The following PCDHGA7 variants were observed in gnomAD, a reference collection of about 807,000 sequenced individuals.
PCDHGA7 encodes the protein protocadherin gamma subfamily A, 7.
In PCDHGA7, 44 loss-of-function variants were observed where a neutral mutation model predicts 58.3. The ratio of observed to expected loss-of-function variants is 0.75; its 90% CI spans 0.59 to 0.97. The LOEUF (loss-of-function observed/expected upper bound fraction) is 0.97, where lower values mean the gene tolerates loss of function less well. PCDHGA7 is among the 50% of genes least tolerant of loss of function. The probability of loss-of-function intolerance (pLI) is 0.00; values close to 1 mark genes in which losing one functional copy is unlikely to be tolerated. For synonymous variants in PCDHGA7, 516 were observed against 504.2 expected (o/e 1.02, Z -0.31); for missense variants, 1,266 against 1,188.7 (o/e 1.06, Z -0.96).
intron 3 of PCDHGA7, among the ~76,000 whole-genome samples, chr5:141,510,329 A>G (rs1433056614): frequency 6.7e-6 from 1 of 150,230 alleles, no homozygotes; most frequent in South Asian, 2.1e-4. Context: ...AGCACTCTTC[A>G]CCCCCACCCC....
chr5:141,399,370 A>C (rs1466560972), intron 1 of PCDHGA7: 2 of 1,614,004 alleles, frequency 1.2e-6, no homozygotes, highest in Non-Finnish European at 1.7e-6. Context: ...CCCGGAGTAC[A>C]ATGTCACCAT....
chr5:141,400,591 C>A, intron 1 of PCDHGA7: 1 of 1,602,976 alleles, frequency 6.2e-7, no homozygotes, highest in Non-Finnish European at 8.5e-7. Flanking sequence ...ATGAAACTAT[C>A]GTACATTTTC....
chr5:141,420,993 C>T (rs956578377), intron 1 of PCDHGA7: 2 of 501,412 alleles, frequency 4.0e-6, no homozygotes, highest in Non-Finnish European at 7.0e-6. Context: ...GGCGCCGCTG[C>T]TCACCAATCA....
intron 1 of PCDHGA7, chr5:141,415,605 G>T: frequency 1.2e-6 from 2 of 1,613,122 alleles, no homozygotes; most frequent in Non-Finnish European, 1.7e-6. Flanking sequence ...ATACCCCATT[G>T]GTTCCAGTGA....
At chr5:141,458,485 A>G (rs2098946793) in intron 1 of PCDHGA7, among the ~76,000 whole-genome samples, 1 of 151,558 alleles carries the variant, frequency 6.6e-6, no homozygotes, top group Non-Finnish European at 1.5e-5. Context: ...GAAAATGAGG[A>G]CTGCCTGTAC....
intron 1 of PCDHGA7, chr5:141,412,841 G>A (rs1285924844): frequency 4.9e-6 from 1 of 206,050 alleles, no homozygotes; most frequent in Non-Finnish European, 9.6e-6. Flanking sequence ...AAAGATAGGA[G>A]TGGAGAAACC....
intron 1 of PCDHGA7, chr5:141,422,096 C>T: frequency 6.2e-7 from 1 of 1,610,710 alleles, no homozygotes; most frequent in Non-Finnish European, 8.5e-7. Context: ...AGCAAGGCTT[C>T]TGAAATATTC....
At chr5:141,410,515 G>T in intron 1 of PCDHGA7, 1 of 1,613,946 alleles carries the variant, frequency 6.2e-7, no homozygotes, top group South Asian at 1.1e-5. Flanking sequence ...AATGCAGTGT[G>T]CCCCTACATT....
intron 1 of PCDHGA7, chr5:141,433,309 T>C: frequency 1.1e-6 from 1 of 901,134 alleles, no homozygotes; most frequent in Admixed American, 2.7e-5. Context: ...TTATCCCACC[T>C]TTGCCTCCGG....
intron 1 of PCDHGA7, chr5:141,416,087 G>A (rs1201318552): frequency 1.2e-5 from 2 of 165,800 alleles, no homozygotes; most frequent in East Asian, 3.3e-4. Flanking sequence ...TTCCCAAGGA[G>A]AAGGGCAATA....
chr5:141,419,248 AAAC>A (rs1229992972), intron 1 of PCDHGA7: 1 of 1,613,980 alleles, frequency 6.2e-7, no homozygotes, highest in Admixed American at 1.7e-5. Context: ...ACGTGCCAGA[AAAC>A]AACCAGCCGG....
At chr5:141,502,946 C>T (rs900624216) in intron 2 of PCDHGA7, among the ~76,000 whole-genome samples, 13 of 145,572 alleles carry the variant, frequency 8.9e-5, no homozygotes, top group African/African-American at 2.6e-4. Flanking sequence ...TGGGTTCAAG[C>T]GATTCTCCTG....
At chr5:141,404,015 C>T in intron 1 of PCDHGA7, 1 of 1,613,622 alleles carries the variant, frequency 6.2e-7, no homozygotes. Context: ...TCTGTTTAGC[C>T]CAGTGAGAGA....
chr5:141,399,867 C>T (rs766258677), intron 1 of PCDHGA7: 17 of 1,612,738 alleles, frequency 1.1e-5, no homozygotes, highest in South Asian at 3.3e-5. Context: ...CTGCAGAGCC[C>T]GGCTACCTGG....
At position 141,486,238 on chromosome 5, in the gene PCDHGA7, G is replaced by C. The variant is rs1414434705; in HGVS notation, c.2425-8569G>C. 6.2e-7 allele frequency: 1 copy of C among 1,614,058 alleles called. No homozygotes were observed. The highest frequency in any genetic ancestry group is 8.5e-7 in the Non-Finnish European group (1 of 1,180,024). On this transcript the variant is annotated intron_variant, in intron 1 of 3. Coordinates refer to ENST00000518325, the MANE Select transcript of PCDHGA7 (RefSeq NM_018920.4). This position sits in a 1 kb window ranked among gnomAD's most constrained non-coding sequence, Gnocchi z 5.0. ...CCCCTTACATCACAGTGACCTCAGA[G>C]CTTGGAACCCTCCCCGAGAGTGCAG... is the stretch of plus-strand genomic sequence containing the variant.
Position 141,434,451 on chromosome 5 carries a change from A to T in PCDHGA7, c.2424+49128A>T, listed in dbSNP as rs145324240. 3.9e-3 allele frequency among the ~76,000 whole-genome samples: 589 copies of T among 152,326 alleles called. 6 individuals carry two copies. The highest frequency in any genetic ancestry group is 0.011 in the Admixed American group (170 of 15,298). ...GGCCGTAATGCCCATGCTGGAAGGTAGTGGGTTTACCGGAATGAGGGCAAG... is the reference window on the plus strand; with the variant it reads ...GGCCGTAATGCCCATGCTGGAAGGTTGTGGGTTTACCGGAATGAGGGCAAG... On this transcript the variant is annotated intron_variant, in intron 1 of 3. Transcript: ENST00000518325.
rs770619389 is a variant in PCDHGA7 at position 141,490,764 on chromosome 5, T to C, written c.2425-4043T>C. On this transcript the variant is annotated intron_variant, in intron 1 of 3. Coordinates refer to ENST00000518325, the MANE Select transcript of PCDHGA7 (RefSeq NM_018920.4). The surrounding 1 kb of genome is among the most constrained non-coding windows in gnomAD (Gnocchi z 5.4). ...GAGCCCCAGCCTCCTCCTTTGTGTA[T>C]GTCAACCCAGAGGATGGACGGATCT... is the stretch of plus-strand genomic sequence containing the variant. 22 of 1,613,970 alleles carry C rather than the reference T, an allele frequency of 1.4e-5. No individual in the cohort carries two copies. Among genetic ancestry groups the C allele is most frequent in the Non-Finnish European group, 1.6e-5 (19 of 1,179,928 alleles).
rs1039645331 is a variant in PCDHGA7, at chr5:141,420,373, T to C, written c.2424+35050T>C. ...TTTAAGATTCTAGATAACTTCTTCA[T>C]AGAGTTCGCAAAATATAGGTCAAAT... is the stretch of plus-strand genomic sequence containing the variant. On this transcript the variant is annotated intron_variant, in intron 1 of 3. Coordinates refer to ENST00000518325, the MANE Select transcript of PCDHGA7 (RefSeq NM_018920.4). 21 of 1,337,592 alleles carry C rather than the reference T, an allele frequency of 1.6e-5. No homozygotes were observed. In the African/African-American group the frequency reaches 2.4e-4, roughly 15 times the overall value. The allele number at this position is 1,337,592 out of a possible 1,614,324, so 82.9% of individuals were successfully genotyped here. A position where few individuals can be genotyped will look rare whatever the true frequency, so the allele number is the denominator to read the frequency against.
chr5:141,491,800 C>T lies in PCDHGA7; in HGVS notation c.2425-3007C>T. The T allele has an allele frequency of 6.7e-7, 1 of 1,500,854 alleles. No individual in the cohort carries two copies. Among genetic ancestry groups the T allele is most frequent in the Non-Finnish European group, 8.9e-7 (1 of 1,125,316 alleles). 93.0% of individuals were successfully genotyped at this position (1,500,854 alleles called of 1,614,324 possible). A position where few individuals can be genotyped will look rare whatever the true frequency, so the allele number is the denominator to read the frequency against. Reference sequence around the variant, plus strand: ...GAACTTGCATCCACTCCTCTCCGGCCGGCTTGGTCGCTGGCTGCGCTCCAC... The same window carrying T: ...GAACTTGCATCCACTCCTCTCCGGCTGGCTTGGTCGCTGGCTGCGCTCCAC... On this transcript the variant is annotated intron_variant, in intron 1 of 3. Transcript: ENST00000518325. The surrounding 1 kb of genome is among the most constrained non-coding windows in gnomAD (Gnocchi z 6.9).
Sources: gnomAD v4.1 joint callset for allele counts (sites outside exome capture counted in the v4.1 genomes callset) on GRCh38, gnomAD v4.1.1 for gene constraint, Gnocchi (gnomAD v3.1) non-coding constraint, MANE v1.5 for transcripts, NCBI Gene and HGNC (gene_info 2026-07-23, HGNC 2026-07-21) for gene names.